LNP1: variants seen among roughly 807,000 people sequenced by gnomAD.
The protein encoded by LNP1 is leukemia NUP98 fusion partner 1.
Under a neutral mutation model 14.5 loss-of-function variants are expected in LNP1, and 12 were observed. That is an observed-to-expected ratio of 0.83 (90% CI 0.53 to 1.34). The LOEUF is 1.34. Among genes scored for constraint, LNP1 ranks in the 40% most tolerant of loss-of-function variants. The pLI is 0.00. For missense variants in LNP1, 198 were observed against 210.9 expected, an observed-to-expected ratio of 0.94 and a Z score of 0.38; for synonymous variants, 75 against 71.4, an observed-to-expected ratio of 1.05 and a Z score of -0.26.
chr3:100,447,990 G>A (rs1707404390), intron 2 of LNP1, among the ~76,000 whole-genome samples: 1 of 152,102 alleles, frequency 6.6e-6, no homozygotes, highest in Admixed American at 6.5e-5. Flanking sequence ...CCCAAATAAT[G>A]AAATCTCTAT....
At chr3:100,428,205 C>T (rs141305196) in intron 1 of LNP1, among the ~76,000 whole-genome samples, 182 of 152,248 alleles carry the variant, frequency 1.2e-3, no homozygotes, top group Non-Finnish European at 1.8e-3. Context: ...AAATGTCATA[C>T]AAATCTCCCA....
chr3:100,444,755 C>A (rs115530239), intron 2 of LNP1, among the ~76,000 whole-genome samples: 1,877 of 152,158 alleles, frequency 0.012, 37 homozygotes, highest in African/African-American at 0.043. Context: ...ACAGTAAGCC[C>A]TAATAAAAAC....
intron 1 of LNP1, among the ~76,000 whole-genome samples, chr3:100,421,176 A>G (rs535303256): frequency 2.6e-5 from 4 of 152,212 alleles, no homozygotes; most frequent in African/African-American, 9.6e-5. Flanking sequence ...TGGATGTTCA[A>G]TTGCTCCAAA....
intron 1 of LNP1, among the ~76,000 whole-genome samples, chr3:100,417,344 T>C (rs1308170667): frequency 6.6e-6 from 1 of 151,168 alleles, no homozygotes; most frequent in African/African-American, 2.4e-5. Context: ...AGTATACTTT[T>C]TCTTTTTCTT....
intron 1 of LNP1, among the ~76,000 whole-genome samples, chr3:100,411,895 A>G (rs979766579): frequency 6.6e-6 from 1 of 152,176 alleles, no homozygotes; most frequent in African/African-American, 2.4e-5. Flanking sequence ...GGGGACAAAA[A>G]TATTCAGTCC....
intron 1 of LNP1, among the ~76,000 whole-genome samples, chr3:100,402,977 C>T (rs147881247): frequency 7.4e-4 from 113 of 152,282 alleles, no homozygotes; most frequent in Admixed American, 1.5e-3. Flanking sequence ...CATTAGTAAA[C>T]GAATCTGTTC....
In LNP1 at chr3:100,447,061, A is replaced by G. The variant is rs144051490; in HGVS notation, c.157-4658A>G. 0.017 allele frequency among the ~76,000 whole-genome samples: 2,570 copies of G among 152,314 alleles called. 263 individuals carry two copies. The East Asian group carries it at 0.31, about 18-fold the overall frequency. On this transcript the variant is annotated intron_variant, in intron 2 of 3. Coordinates refer to ENST00000383693, the MANE Select transcript of LNP1 (RefSeq NM_001085451.2). ...GGCGGCAATTCCTCAAGGATCTAGAACTAGAAATACCATTTGACCCAGCGA... is the reference window on the plus strand; with the variant it reads ...GGCGGCAATTCCTCAAGGATCTAGAGCTAGAAATACCATTTGACCCAGCGA...
At chr3:100,411,617 G>A (rs1191602209) in intron 1 of LNP1, among the ~76,000 whole-genome samples, 1 of 152,188 alleles carries the variant, frequency 6.6e-6, no homozygotes, top group Admixed American at 6.5e-5. Flanking sequence ...CCAGATCAAA[G>A]TTCAGGTCTG....
intron 1 of LNP1, among the ~76,000 whole-genome samples, chr3:100,405,918 G>T (rs1706960960): frequency 6.6e-6 from 1 of 152,064 alleles, no homozygotes; most frequent in Non-Finnish European, 1.5e-5. Flanking sequence ...CAACATTTCT[G>T]CCCACCCATG....
intron 2 of LNP1, among the ~76,000 whole-genome samples, chr3:100,447,141 C>T (rs1243440853): frequency 6.6e-6 from 1 of 152,182 alleles, no homozygotes; most frequent in Non-Finnish European, 1.5e-5. Flanking sequence ...TATAAAGACA[C>T]ATGTACACAT....
At chr3:100,422,797 TCTC>T (rs1260372651) in intron 1 of LNP1, among the ~76,000 whole-genome samples, 2 of 147,454 alleles carry the variant, frequency 1.4e-5, no homozygotes, top group African/African-American at 2.5e-5. Context: ...CCTTGCTTTG[TCTC>T]CTCTTTTTTT....
At position 100,454,073 on chromosome 3, in the gene LNP1, T is replaced by C. The variant is rs541415910; in HGVS notation, c.388-1704T>C. Among the ~76,000 whole-genome samples, 6 of 152,296 alleles carry C rather than the reference T, an allele frequency of 3.9e-5. No individual in the cohort carries two copies. The South Asian group carries it at 6.2e-4, about 16-fold the overall frequency. Reference sequence around the variant, plus strand: ...TAAAGTCATTTTGCTTAAAAAGATATTCATCATATTATCTCTAAAATACAA... The same window carrying C: ...TAAAGTCATTTTGCTTAAAAAGATACTCATCATATTATCTCTAAAATACAA... On this transcript the variant is annotated intron_variant, in intron 3 of 3. Transcript: ENST00000383693.
At chr3:100,402,763 T>A (rs536145165) in intron 1 of LNP1, among the ~76,000 whole-genome samples, 1 of 152,176 alleles carries the variant, frequency 6.6e-6, no homozygotes, top group Non-Finnish European at 1.5e-5. Context: ...TAAACCTTTT[T>A]CTTATTTATT....
At chr3:100,429,516 TATAA>T (rs1456294572) in intron 1 of LNP1, among the ~76,000 whole-genome samples, 177 bp from the exon 2 acceptor site, 1 of 152,214 alleles carries the variant, frequency 6.6e-6, no homozygotes, top group East Asian at 1.9e-4. Context: ...CTGCACAATT[TATAA>T]ATAGACATTG....
chr3:100,409,028 T>A (rs1461456310), intron 1 of LNP1, among the ~76,000 whole-genome samples: 1 of 152,188 alleles, frequency 6.6e-6, no homozygotes, highest in Non-Finnish European at 1.5e-5. Context: ...TGCTCTACTT[T>A]CCTCTGTGAG....
intron 2 of LNP1, among the ~76,000 whole-genome samples, chr3:100,448,366 A>G (rs1707408056): frequency 6.6e-6 from 1 of 152,222 alleles, no homozygotes; most frequent in African/African-American, 2.4e-5. Flanking sequence ...CCACAAGATT[A>G]GAAGTTATGC....
At chr3:100,433,178 C>A (rs111834769) in intron 2 of LNP1, among the ~76,000 whole-genome samples, 5,714 of 152,132 alleles carry the variant, frequency 0.038, 388 homozygotes, top group East Asian at 0.31. Context: ...TTAAGCCCTG[C>A]ATGCATTAGG....
chr3:100,449,168 C>T (rs1448624336), intron 2 of LNP1, among the ~76,000 whole-genome samples: 1 of 152,134 alleles, frequency 6.6e-6, no homozygotes, highest in African/African-American at 2.4e-5. Flanking sequence ...TTGGGCAGAG[C>T]CCACATTGAA....
intron 1 of LNP1, among the ~76,000 whole-genome samples, chr3:100,416,418 T>C (rs767842805): frequency 6.6e-6 from 1 of 152,146 alleles, no homozygotes; most frequent in African/African-American, 2.4e-5. Context: ...TGTTTTGTTT[T>C]GTTTTCTTTG....
Sources: allele counts gnomAD v4.1 joint callset (sites outside exome capture counted in the v4.1 genomes callset), GRCh38; gene constraint gnomAD v4.1.1; transcripts MANE v1.5; gene names NCBI Gene and HGNC (gene_info 2026-07-23, HGNC 2026-07-21).